The following PTBP3 variants were observed in gnomAD, a reference collection of about 807,000 sequenced individuals.
PTBP3 encodes the protein polypyrimidine tract-binding protein 3.
In PTBP3, 20 loss-of-function variants were observed where a neutral mutation model predicts 58.7. The observed-to-expected ratio is 0.34, with a 90% confidence interval of 0.24 to 0.50. The LOEUF (loss-of-function observed/expected upper bound fraction) is 0.50, where lower values mean the gene tolerates loss of function less well. Among genes scored for constraint, PTBP3 ranks in the 20% least tolerant of loss-of-function variants. The pLI, the probability that PTBP3 is intolerant of heterozygous loss-of-function variation, is 0.98. For synonymous variants in PTBP3, 185 were observed against 219.8 expected, an observed-to-expected ratio of 0.84 and a Z score of 1.40; for missense variants, 509 against 637.2, an observed-to-expected ratio of 0.80 and a Z score of 2.17.
At chr9:112,362,728 AC>A in the PTBP3 span, 1 of 200,514 alleles carries the variant, frequency 5.0e-6, no homozygotes, top group Admixed American at 5.6e-5. Flanking sequence ...CCACCATCAG[AC>A]CCCTCATGAA....
intron 2 of PTBP3, among the ~76,000 whole-genome samples, chr9:112,286,307 G>A (rs770540549): frequency 6.6e-6 from 1 of 151,856 alleles, no homozygotes; most frequent in Non-Finnish European, 1.5e-5. Context: ...AATTATTAAC[G>A]TGGTTGGGTT....
At chr9:112,225,299 C>A (rs1048435201) in intron 12 of PTBP3, among the ~76,000 whole-genome samples, 1 of 148,218 alleles carries the variant, frequency 6.7e-6, no homozygotes, top group Non-Finnish European at 1.5e-5. Flanking sequence ...AATTTTTTAA[C>A]CTAAGTCTCA....
At chr9:112,274,033 T>C (rs892105650) in intron 3 of PTBP3, among the ~76,000 whole-genome samples, 1 of 152,172 alleles carries the variant, frequency 6.6e-6, no homozygotes, top group African/African-American at 2.4e-5. Context: ...GTGGTCTCTG[T>C]TCAAATCATG....
rs533765127 is a variant in PTBP3, at chr9:112,279,358, T to C, written c.35-3345A>G. ...AAAACTACAAAATGCCCACTACATATCAGTCACGCTTCCAAAGAGCTTTGT... is the reference window on the plus strand; with the variant it reads ...AAAACTACAAAATGCCCACTACATACCAGTCACGCTTCCAAAGAGCTTTGT... On this transcript the variant is annotated intron_variant, in intron 2 of 13. Coordinates refer to ENST00000374257, the MANE Select transcript of PTBP3 (RefSeq NM_001163788.4). Among the ~76,000 whole-genome samples, 3 of 152,270 alleles carry C rather than the reference T, an allele frequency of 2.0e-5. No individual in the cohort carries two copies. The South Asian group carries it at 6.2e-4, about 32-fold the overall frequency.
At chr9:112,305,212 C>CT (rs1421032411) in intron 1 of PTBP3, among the ~76,000 whole-genome samples, 2 of 151,694 alleles carry the variant, frequency 1.3e-5, no homozygotes, top group Non-Finnish European at 2.9e-5. Flanking sequence ...TTGCCCTTTC[C>CT]TTCCTAGAGG....
chr9:112,314,499 C>A (rs1032663090), intron 1 of PTBP3, among the ~76,000 whole-genome samples: 8 of 152,016 alleles, frequency 5.3e-5, no homozygotes, highest in African/African-American at 1.9e-4. Flanking sequence ...AGTTTGAGAT[C>A]GGCCTGCACA....
At chr9:112,300,515 G>A (rs1828871603) in intron 1 of PTBP3, among the ~76,000 whole-genome samples, 1 of 152,214 alleles carries the variant, frequency 6.6e-6, no homozygotes, top group Non-Finnish European at 1.5e-5. Context: ...CACTTTGGGA[G>A]GGCTTGGCGG....
At chr9:112,320,314 A>ATATATATATATATATATATTTT in intron 1 of PTBP3, among the ~76,000 whole-genome samples, 107 of 75,618 alleles carry the variant, frequency 1.4e-3, no homozygotes, top group African/African-American at 2.9e-3. Context: ...ATATATATAT[A>ATATATATATATATATATATTTT]TTTTTTTTTA....
downstream of PTBP3, chr9:112,218,170 G>A (rs1362988045): frequency 4.6e-5 from 7 of 152,202 alleles, no homozygotes; most frequent in East Asian, 3.8e-4. Context: ...CCTGCATTAC[G>A]GGGCAGTGCC....
At chr9:112,350,955 C>A in the PTBP3 span, among the ~76,000 whole-genome samples, 1 of 152,036 alleles carries the variant, frequency 6.6e-6, no homozygotes, top group African/African-American at 2.4e-5. Flanking sequence ...CCCGCCACCA[C>A]GCCCAGCTAA....
intron 1 of PTBP3, among the ~76,000 whole-genome samples, chr9:112,326,007 G>A (rs1452077664): frequency 1.0e-5 from 1 of 97,062 alleles, no homozygotes; most frequent in African/African-American, 4.8e-5. Context: ...TACACAGTGA[G>A]ACCCTGTCTC....
At chr9:112,288,960 A>G (rs1050052201) in intron 2 of PTBP3, among the ~76,000 whole-genome samples, 2 of 152,212 alleles carry the variant, frequency 1.3e-5, no homozygotes, top group African/African-American at 4.8e-5. Context: ...ATAGCCTTCA[A>G]TACCAGTGGC....
At position 112,247,879 on chromosome 9, in the gene PTBP3, G is replaced by A. The variant is rs111736781; in HGVS notation, c.802+3050C>T. ...AACTTACTCAAGTGGTTTGGAGGTG[G>A]GAGAAAATAAATATACACACACATG... On this transcript the variant is annotated intron_variant, in intron 7 of 13. Transcript: ENST00000374257. Among the ~76,000 whole-genome samples the A allele has an allele frequency of 9.2e-3, 1,403 of 152,062 alleles. 22 individuals carry two copies. Among genetic ancestry groups the A allele is most frequent in the African/African-American group, 0.033 (1,356 of 41,470 alleles).
At chr9:112,278,306 G>A (rs1827712803) in intron 2 of PTBP3, among the ~76,000 whole-genome samples, 1 of 152,154 alleles carries the variant, frequency 6.6e-6, no homozygotes, top group South Asian at 2.1e-4. Context: ...CAGAGTCCTG[G>A]ACGGGGGCGA....
intron 1 of PTBP3, among the ~76,000 whole-genome samples, chr9:112,331,081 G>GC (rs1830349500): frequency 1.5e-5 from 1 of 67,828 alleles, no homozygotes. Context: ...AGGAGGAAAC[G>GC]AACACACACA....
At chr9:112,368,129 G>T in the PTBP3 span, among the ~76,000 whole-genome samples, 1 of 152,084 alleles carries the variant, frequency 6.6e-6, no homozygotes, top group Non-Finnish European at 1.5e-5. Context: ...CTAGTAGCTG[G>T]GACTACAGGC....
intron 1 of PTBP3, among the ~76,000 whole-genome samples, chr9:112,327,157 T>C (rs10981358): frequency 0.022 from 3,379 of 151,878 alleles, 61 homozygotes; most frequent in Middle Eastern, 0.034. Context: ...TGAGCCATGA[T>C]TGTGCCACTG....
At chr9:112,252,317 G>A in intron 6 of PTBP3, 2 of 259,468 alleles carry the variant, frequency 7.7e-6, no homozygotes, top group South Asian at 8.9e-5. Flanking sequence ...AGTTAAGCAG[G>A]GTCGGGCCTG....
Position 112,220,298 on chromosome 9 carries a change from G to T in PTBP3, c.*3553C>A. ...AAAGAACAGAGAGCCAGGCGTGGTG[G>T]CTCATGCCTGTAATCCCAGCACTGT... On this transcript the variant is annotated 3_prime_UTR_variant, in exon 14 of 14. Transcript: ENST00000374257. The T allele has an allele frequency of 7.6e-7, 1 of 1,315,584 alleles. No individual in the cohort carries two copies. Among genetic ancestry groups the T allele is most frequent in the East Asian group, 4.9e-5 (1 of 20,240 alleles). 81.5% of individuals were successfully genotyped at this position (1,315,584 alleles called of 1,614,324 possible).
Sources: gnomAD v4.1 joint callset for allele counts (sites outside exome capture counted in the v4.1 genomes callset) on GRCh38, gnomAD v4.1.1 for gene constraint, MANE v1.5 for transcripts, NCBI Gene and HGNC (gene_info 2026-07-23, HGNC 2026-07-21) for gene names.